The following IRF2 variants were observed in gnomAD, a reference collection of about 807,000 sequenced individuals.
IRF2 encodes the protein interferon regulatory factor 2.
In IRF2, 15 loss-of-function variants were observed where a neutral mutation model predicts 40.6. That is an observed-to-expected ratio of 0.37 (90% confidence interval 0.25 to 0.57). The LOEUF (loss-of-function observed/expected upper bound fraction) is 0.57. Ranked by LOEUF, IRF2 falls within the 20% of genes least tolerant of loss-of-function variation. The pLI is 0.77. For missense variants in IRF2, 317 were observed against 455.7 expected, an observed-to-expected ratio of 0.70 and a Z score of 2.77; for synonymous variants, 151 against 165.5, an observed-to-expected ratio of 0.91 and a Z score of 0.67.
chr4:184,456,068 G>C (rs11721999), intron 1 of IRF2, among the ~76,000 whole-genome samples: 116,469 of 152,096 alleles, frequency 0.77, 45,683 homozygotes, highest in East Asian at 0.98. Flanking sequence ...AGAGCACACC[G>C]GAGTGGGTGC....
At chr4:184,422,278 A>C (rs1315655919) in intron 2 of IRF2, among the ~76,000 whole-genome samples, 1 of 152,190 alleles carries the variant, frequency 6.6e-6, no homozygotes, top group African/African-American at 2.4e-5. Flanking sequence ...AAAGATACAC[A>C]AATAACAAAC....
At chr4:184,394,692 T>C (rs1736382678) in intron 7 of IRF2, among the ~76,000 whole-genome samples, 1 of 152,124 alleles carries the variant, frequency 6.6e-6, no homozygotes, top group Non-Finnish European at 1.5e-5. Context: ...TCGAGTCTAC[T>C]CTCCAGCCCC....
intron 1 of IRF2, among the ~76,000 whole-genome samples, chr4:184,442,243 T>G (rs973973052): frequency 6.6e-6 from 1 of 152,188 alleles, no homozygotes; most frequent in Non-Finnish European, 1.5e-5. Flanking sequence ...ACCCGAGCTT[T>G]CCTTTTGTAG....
intron 1 of IRF2, among the ~76,000 whole-genome samples, chr4:184,430,383 C>T (rs1173490508): frequency 6.6e-6 from 1 of 152,146 alleles, no homozygotes; most frequent in Non-Finnish European, 1.5e-5. Flanking sequence ...GCAGACACCT[C>T]CTGCTCCGTG....
At chr4:184,427,909 T>C (rs1737727879) in intron 2 of IRF2, among the ~76,000 whole-genome samples, 1 of 151,204 alleles carries the variant, frequency 6.6e-6, no homozygotes, top group South Asian at 2.1e-4. Context: ...GGGGAGGGAG[T>C]GGAGAAGAGG....
chr4:184,440,862 G>T (rs1277168351), intron 1 of IRF2, among the ~76,000 whole-genome samples: 1 of 152,186 alleles, frequency 6.6e-6, no homozygotes, highest in Admixed American at 6.5e-5. Flanking sequence ...GATGTTTGAG[G>T]AGAGATACTG....
At chr4:184,399,197 C>A (rs1404850779) in intron 6 of IRF2, 118 bp from the exon 7 acceptor site, 12 of 1,037,106 alleles carry the variant, frequency 1.2e-5, no homozygotes, top group Non-Finnish European at 1.5e-5. Flanking sequence ...CACCATCTGT[C>A]CCCTGCCATG....
At chr4:184,423,232 C>G (rs193059096) in intron 2 of IRF2, among the ~76,000 whole-genome samples, 1 of 152,126 alleles carries the variant, frequency 6.6e-6, no homozygotes, top group Non-Finnish European at 1.5e-5. Context: ...GTCCTGCACA[C>G]GTGGTGGTGG....
intron 6 of IRF2, among the ~76,000 whole-genome samples, chr4:184,407,903 G>A (rs528284644): frequency 5.8e-4 from 89 of 152,240 alleles, no homozygotes; most frequent in Non-Finnish European, 9.9e-4. Context: ...GCCACGAGCC[G>A]CCGGGAAACA....
At chr4:184,435,760 T>C (rs1005484948) in intron 1 of IRF2, among the ~76,000 whole-genome samples, 2 of 151,704 alleles carry the variant, frequency 1.3e-5, no homozygotes, top group African/African-American at 2.4e-5. Context: ...GGAAAAGGGG[T>C]TCCTGGAAAC....
intron 2 of IRF2, among the ~76,000 whole-genome samples, chr4:184,427,153 T>C (rs1737702904): frequency 6.6e-6 from 1 of 152,208 alleles, no homozygotes; most frequent in Admixed American, 6.5e-5. Flanking sequence ...CAACTCCATT[T>C]CTTGTTTGTT....
intron 1 of IRF2, among the ~76,000 whole-genome samples, chr4:184,454,224 T>C (rs1001282241): frequency 4.9e-4 from 74 of 152,190 alleles, no homozygotes; most frequent in African/African-American, 1.8e-3. Context: ...GGATTTCCTT[T>C]AAGCTGTCCC....
chr4:184,407,151 G>C, intron 6 of IRF2: 1 of 1,280,680 alleles, frequency 7.8e-7, no homozygotes, highest in Non-Finnish European at 1.0e-6. Context: ...CCGGGAGATG[G>C]TTTAAATACA....
chr4:184,438,708 C>T (rs889602212), intron 1 of IRF2, among the ~76,000 whole-genome samples: 3 of 152,200 alleles, frequency 2.0e-5, no homozygotes, highest in African/African-American at 7.2e-5. Flanking sequence ...ATATTTTTAA[C>T]ATTTTTGTAG....
chr4:184,423,622 C>CAATA (rs909876007), intron 2 of IRF2, among the ~76,000 whole-genome samples: 5 of 152,120 alleles, frequency 3.3e-5, no homozygotes, highest in African/African-American at 1.2e-4. Context: ...CTAAGAACAT[C>CAATA]AATAACCCCA....
At chr4:184,467,228 C>T (rs988488791) in intron 1 of IRF2, among the ~76,000 whole-genome samples, 2 of 152,222 alleles carry the variant, frequency 1.3e-5, no homozygotes, top group Non-Finnish European at 2.9e-5. Context: ...TAACCAACTT[C>T]ACCTCACCCC....
At chr4:184,428,705 G>A (rs754428183) in intron 2 of IRF2, 171 of 510,288 alleles carry the variant, frequency 3.4e-4, no homozygotes, top group African/African-American at 2.9e-3. Flanking sequence ...AGGCTGAGGT[G>A]GGAGGATCAC....
At position 184,394,000 on chromosome 4, in the gene IRF2, C is replaced by T. The variant is rs147758232; in HGVS notation, c.695-3251G>A. On this transcript the variant is annotated intron_variant, in intron 7 of 8. Coordinates refer to ENST00000393593, the MANE Select transcript of IRF2 (RefSeq NM_002199.4). ...GTGTTACTATCGAACTATCAACATA[C>T]GTTGTCATTTCATTTTCCCTTTTGA... Among the ~76,000 whole-genome samples the T allele has an allele frequency of 5.9e-3, 896 of 152,314 alleles. 6 individuals are homozygous for T. Among genetic ancestry groups the T allele is most frequent in the Middle Eastern group, 0.01 (3 of 294 alleles).
intron 1 of IRF2, among the ~76,000 whole-genome samples, chr4:184,453,414 A>C (rs1738800209): frequency 6.6e-6 from 1 of 152,260 alleles, no homozygotes; most frequent in Admixed American, 6.5e-5. Flanking sequence ...ACTCGAGCAC[A>C]TACTGCATTT....
Sources: gnomAD v4.1 joint callset for allele counts (sites outside exome capture counted in the v4.1 genomes callset) on GRCh38, gnomAD v4.1.1 for gene constraint, MANE v1.5 for transcripts, NCBI Gene and HGNC (gene_info 2026-07-23, HGNC 2026-07-21) for gene names.